Variants in KCNJ3 observed in about 807,000 individuals in gnomAD.
The protein encoded by KCNJ3 is G protein-activated inward rectifier potassium channel 1.
In KCNJ3, 4 loss-of-function variants were observed where a neutral mutation model predicts 39.2. The ratio of observed to expected loss-of-function variants is 0.10; its 90% confidence interval spans 0.05 to 0.23. KCNJ3 has a LOEUF of 0.23. Ranked by LOEUF, KCNJ3 falls within the 10% of genes least tolerant of loss-of-function variation. The probability of loss-of-function intolerance (pLI) is 1.00; values close to 1 mark genes in which losing one functional copy is unlikely to be tolerated. For synonymous variants in KCNJ3, 230 were observed against 237.4 expected (o/e 0.97, Z 0.29); for missense variants, 276 against 634.9 (o/e 0.43, Z 6.08).
intron 2 of KCNJ3, among the ~76,000 whole-genome samples, chr2:154,714,031 C>G (rs757414488): frequency 6.6e-6 from 1 of 152,168 alleles, no homozygotes; most frequent in Admixed American, 6.5e-5. Flanking sequence ...TCCTTTATCT[C>G]TATTCTTTTC....
At chr2:154,787,444 C>T (rs1686551602) in intron 2 of KCNJ3, among the ~76,000 whole-genome samples, 1 of 152,138 alleles carries the variant, frequency 6.6e-6, no homozygotes, top group Non-Finnish European at 1.5e-5. Context: ...GAGACCGAAC[C>T]CTCTTTTTCC....
At chr2:154,838,910 G>A (rs547546726) in intron 2 of KCNJ3, among the ~76,000 whole-genome samples, 2 of 134,938 alleles carry the variant, frequency 1.5e-5, no homozygotes, top group Non-Finnish European at 3.4e-5. Flanking sequence ...AGCATTGCCT[G>A]GATGTTTCAT....
chr2:154,762,796 T>C (rs1686068193), intron 2 of KCNJ3, among the ~76,000 whole-genome samples: 3 of 152,208 alleles, frequency 2.0e-5, no homozygotes, highest in African/African-American at 7.2e-5. Flanking sequence ...CTCTTTTAAC[T>C]GTTGCTATTA....
chr2:154,771,553 G>A (rs1392289677), intron 2 of KCNJ3, among the ~76,000 whole-genome samples: 1 of 152,122 alleles, frequency 6.6e-6, no homozygotes, highest in Admixed American at 6.6e-5. Context: ...ATAAAAATGA[G>A]TGTGCAGAAT....
intron 2 of KCNJ3, among the ~76,000 whole-genome samples, chr2:154,845,160 C>T (rs1228469045): frequency 6.6e-6 from 1 of 152,118 alleles, no homozygotes; most frequent in Admixed American, 6.5e-5. Context: ...GCTCAGTCTC[C>T]CAGGCTGGAG....
intron 2 of KCNJ3, among the ~76,000 whole-genome samples, chr2:154,772,157 A>T (rs1393882017): frequency 6.6e-6 from 1 of 152,204 alleles, no homozygotes; most frequent in Non-Finnish European, 1.5e-5. Context: ...CAACATTGAC[A>T]CAAACTAATA....
intron 2 of KCNJ3, among the ~76,000 whole-genome samples, chr2:154,853,916 A>G (rs1687797759): frequency 6.6e-6 from 1 of 152,192 alleles, no homozygotes; most frequent in Non-Finnish European, 1.5e-5. Context: ...GCAGGAATGG[A>G]ACTTGATACA....
intron 2 of KCNJ3, among the ~76,000 whole-genome samples, chr2:154,768,175 A>C (rs1574455016): frequency 6.6e-6 from 1 of 152,176 alleles, no homozygotes; most frequent in Non-Finnish European, 1.5e-5. Flanking sequence ...TGCTGTGCAG[A>C]AGCTCTTTAG....
chr2:154,839,331 T>C (rs1335167995), intron 2 of KCNJ3, among the ~76,000 whole-genome samples: 2 of 152,250 alleles, frequency 1.3e-5, no homozygotes, highest in Admixed American at 1.3e-4. Flanking sequence ...ATCCAGTCTA[T>C]CATTGATGGA....
chr2:154,827,162 A>C (rs1418244391), intron 2 of KCNJ3, among the ~76,000 whole-genome samples: 1 of 151,954 alleles, frequency 6.6e-6, no homozygotes, highest in Non-Finnish European at 1.5e-5. Context: ...ATTTTTTTCC[A>C]TTCTGATAGT....
intron 2 of KCNJ3, among the ~76,000 whole-genome samples, chr2:154,728,225 A>G (rs1685391984): frequency 6.6e-6 from 1 of 152,072 alleles, no homozygotes; most frequent in Non-Finnish European, 1.5e-5. Context: ...TCTTAATGAT[A>G]GTGTGGTTAT....
chr2:154,802,092 T>C (rs1383179107), intron 2 of KCNJ3, among the ~76,000 whole-genome samples: 2 of 152,172 alleles, frequency 1.3e-5, no homozygotes, highest in African/African-American at 2.4e-5. Context: ...ACTGTAATTG[T>C]GAGTCAGGAG....
chr2:154,852,125 T>G (rs1476871626), intron 2 of KCNJ3, among the ~76,000 whole-genome samples: 1 of 152,220 alleles, frequency 6.6e-6, no homozygotes, highest in Non-Finnish European at 1.5e-5. Flanking sequence ...CCTTACTTTT[T>G]AAGACACTGA....
intron 2 of KCNJ3, among the ~76,000 whole-genome samples, chr2:154,731,165 G>A (rs555611385): frequency 6.6e-6 from 1 of 152,114 alleles, no homozygotes; most frequent in African/African-American, 2.4e-5. Context: ...AAGAGCAAAG[G>A]CTTGAAGGAG....
intron 2 of KCNJ3, among the ~76,000 whole-genome samples, chr2:154,731,105 T>G (rs1046230186): frequency 6.6e-6 from 1 of 152,112 alleles, no homozygotes; most frequent in Non-Finnish European, 1.5e-5. Context: ...TCAGATGAAG[T>G]GTCATCTCAC....
At chr2:154,816,925 T>G (rs1687092193) in intron 2 of KCNJ3, among the ~76,000 whole-genome samples, 1 of 152,212 alleles carries the variant, frequency 6.6e-6, no homozygotes, top group Non-Finnish European at 1.5e-5. Context: ...TGGATATTAG[T>G]TTCATATCTG....
chr2:154,838,152 G>T (rs1387143591), intron 2 of KCNJ3, among the ~76,000 whole-genome samples: 1 of 152,140 alleles, frequency 6.6e-6, no homozygotes, highest in Non-Finnish European at 1.5e-5. Context: ...GGAGAAATCA[G>T]GAATGACTTC....
chr2:154,727,109 A>G (rs1267496372), intron 2 of KCNJ3, among the ~76,000 whole-genome samples: 1 of 152,188 alleles, frequency 6.6e-6, no homozygotes, highest in South Asian at 2.1e-4. Context: ...AGAAATAATC[A>G]CTAAAAAACT....
chr2:154,737,142 G>A (rs1685562411), intron 2 of KCNJ3, among the ~76,000 whole-genome samples: 1 of 152,160 alleles, frequency 6.6e-6, no homozygotes, highest in Admixed American at 6.5e-5. Flanking sequence ...TCATGTGCTG[G>A]AAATCAGGCA....
Sources: allele counts gnomAD v4.1 joint callset (sites outside exome capture counted in the v4.1 genomes callset), GRCh38; gene constraint gnomAD v4.1.1; transcripts MANE v1.5; gene names NCBI Gene and HGNC (gene_info 2026-07-23, HGNC 2026-07-21).